ZFAT: variants seen among roughly 807,000 people sequenced by gnomAD.
ZFAT encodes zinc finger and AT-hook domain containing, also known as zinc finger protein ZFAT.
Under a neutral mutation model 117.7 loss-of-function variants are expected in ZFAT, and 64 were observed. The observed-to-expected ratio is 0.54, with a 90% confidence interval of 0.44 to 0.67. ZFAT has a LOEUF of 0.67. Among genes scored for constraint, ZFAT ranks in the 30% least tolerant of loss-of-function variants. The pLI, the probability that ZFAT is intolerant of heterozygous loss-of-function variation, is 0.00. For synonymous variants in ZFAT, 679 were observed against 615.0 expected (o/e 1.10, Z -1.54); for missense variants, 1,433 against 1,584.5 (o/e 0.90, Z 1.62).
chr8:134,727,631 T>C, the ZFAT span, among the ~76,000 whole-genome samples: 13 of 152,174 alleles, frequency 8.5e-5, no homozygotes, highest in African/African-American at 3.1e-4. Flanking sequence ...GAATAGGGCT[T>C]TTTTTTGAGA....
chr8:134,610,545 T>C lies in ZFAT; in HGVS notation c.559A>G (p.Lys187Glu), dbSNP rs923797742. Residue 187 changes from lysine to glutamate, a missense_variant, in exon 4 of 16, where the codon AAG becomes GAG. By Grantham distance (56) the Lys-to-Glu change is moderately conservative. Coordinates refer to ENST00000377838, the MANE Select transcript of ZFAT (RefSeq NM_020863.4). The stretch of plus-strand genomic sequence containing the variant: ...GCCCCAGAAAGCTGTCTGGCCTCCT[T>C]TCCTGAGATCTTCTGGACTTTCTCT... Reference protein sequence around the residue: ...KTEKVQKISGKEARQLSGAKK... With the variant: ...KTEKVQKISGEEARQLSGAKK... 4.3e-6 allele frequency: 7 copies of C among 1,614,102 alleles called. No homozygotes were observed. The highest frequency in any genetic ancestry group is 5.9e-6 in the Non-Finnish European group (7 of 1,180,036).
Position 134,601,541 on chromosome 8 carries a change from T to C in ZFAT, c.2178A>G (p.Gln726=). The C allele has an allele frequency of 9.3e-6, 15 of 1,614,190 alleles. No homozygotes were observed. Among genetic ancestry groups the C allele is most frequent in the Non-Finnish European group, 1.1e-5 (13 of 1,180,028 alleles). Residue 726 remains glutamine, a synonymous_variant, in exon 6 of 16, where the codon CAA becomes CAG. Coordinates refer to ENST00000377838, the MANE Select transcript of ZFAT (RefSeq NM_020863.4). ...TCCGCTCACACAAGCTGGTGTTCATTTGCTTCTTCTGTAAACTGTTCAGGA... is the reference window on the plus strand; with the variant it reads ...TCCGCTCACACAAGCTGGTGTTCATCTGCTTCTTCTGTAAACTGTTCAGGA... The part of the protein sequence containing the change: ...MKVLNSLQKK[Q]MNTSLCERIR...
At chr8:134,588,497 T>A in intron 8 of ZFAT, 102 bp from the exon 9 acceptor site, 1 of 1,292,372 alleles carries the variant, frequency 7.7e-7, no homozygotes, top group Non-Finnish European at 1.0e-6. Flanking sequence ...GGAATCAAGG[T>A]GTGCCTCATG....
chr8:134,568,584 A>G (rs369582236), intron 10 of ZFAT, among the ~76,000 whole-genome samples: 1 of 152,260 alleles, frequency 6.6e-6, no homozygotes, highest in Non-Finnish European at 1.5e-5. Flanking sequence ...GAGCTAAAAA[A>G]GAGTCCTAAA....
the ZFAT span, among the ~76,000 whole-genome samples, chr8:134,754,356 A>G: frequency 0.019 from 2,940 of 152,326 alleles, 78 homozygotes; most frequent in African/African-American, 0.067. Context: ...TCATCTAGTA[A>G]TAAGTTTCCT....
the ZFAT span, among the ~76,000 whole-genome samples, chr8:134,821,740 C>T: frequency 6.6e-6 from 1 of 151,968 alleles, no homozygotes; most frequent in East Asian, 1.9e-4. Flanking sequence ...TATGAGAAAC[C>T]TAAAACAAGG....
At position 134,693,085 on chromosome 8, in the gene ZFAT, C is replaced by T. The variant is rs577132422; in HGVS notation, c.19+19760G>A. Among the ~76,000 whole-genome samples the T allele has an allele frequency of 6.6e-5, 10 of 152,324 alleles. 1 individual carries two copies. The Middle Eastern group carries it at 0.01, about 155-fold the overall frequency. On this transcript the variant is annotated intron_variant, in intron 1 of 15. Coordinates refer to ENST00000377838, the MANE Select transcript of ZFAT (RefSeq NM_020863.4). ...CATGTATGTCTCGTATATGTACATA[C>T]ATACTTCTGTTTCCTAGCTGTGTTT...
At chr8:134,665,226 G>A (rs917210610) in intron 1 of ZFAT, among the ~76,000 whole-genome samples, 1 of 152,228 alleles carries the variant, frequency 6.6e-6, no homozygotes, top group Non-Finnish European at 1.5e-5. Context: ...AGGGTTCCAG[G>A]ATGCAGCAGA....
intron 3 of ZFAT, among the ~76,000 whole-genome samples, chr8:134,627,476 C>T (rs946501318): frequency 2.6e-5 from 4 of 151,970 alleles, no homozygotes; most frequent in Admixed American, 1.3e-4. Flanking sequence ...TAGCTGAAGC[C>T]GAAATGTGAA....
the ZFAT span, chr8:134,766,889 G>A: frequency 6.6e-6 from 1 of 152,156 alleles, no homozygotes; most frequent in Non-Finnish European, 1.5e-5. Context: ...CCTTCACACA[G>A]GAATTTACAT....
At position 134,637,584 on chromosome 8, in the gene ZFAT, T is replaced by TC; in HGVS notation, c.324dup (p.Asn109GlufsTer11). 1 of 1,614,202 alleles carries TC rather than the reference T, an allele frequency of 6.2e-7. No individual in the cohort carries two copies. Among genetic ancestry groups the TC allele is most frequent in the Non-Finnish European group, 8.5e-7 (1 of 1,180,022 alleles). Reference sequence around the variant, plus strand: ...TCCAAGCTGCTTGGAGGCAGGCTGTTCCCTTCCTCCGGAGCCAGCGGGCTG... The same window carrying TC: ...TCCAAGCTGCTTGGAGGCAGGCTGTTCCCCTTCCTCCGGAGCCAGCGGGCTG... On this transcript the variant is annotated frameshift_variant, in exon 3 of 16. Coordinates refer to ENST00000377838, the MANE Select transcript of ZFAT (RefSeq NM_020863.4). LOFTEE classifies it high-confidence loss of function.
chr8:134,582,827 A>G (rs1057143019), intron 10 of ZFAT, among the ~76,000 whole-genome samples: 1 of 152,232 alleles, frequency 6.6e-6, no homozygotes, highest in Non-Finnish European at 1.5e-5. Flanking sequence ...CTTAAGAGCT[A>G]TATCATCCAC....
the ZFAT span, among the ~76,000 whole-genome samples, chr8:134,814,643 C>T: frequency 6.6e-6 from 1 of 152,180 alleles, no homozygotes; most frequent in Non-Finnish European, 1.5e-5. Context: ...TGTAAACAGA[C>T]TCTAAACAGG....
chr8:134,607,876 T>C (rs2130956936), intron 5 of ZFAT, among the ~76,000 whole-genome samples: 2 of 152,354 alleles, frequency 1.3e-5, no homozygotes, highest in East Asian at 1.9e-4. Flanking sequence ...CTATGGGTGG[T>C]CAACTGATCC....
intron 1 of ZFAT, among the ~76,000 whole-genome samples, chr8:134,702,300 T>C (rs1396034204): frequency 6.6e-6 from 1 of 152,252 alleles, no homozygotes; most frequent in Non-Finnish European, 1.5e-5. Flanking sequence ...TGTGCATACC[T>C]GTCTTCAGAT....
chr8:134,644,397 T>G (rs1366059298), intron 2 of ZFAT, among the ~76,000 whole-genome samples: 1 of 152,144 alleles, frequency 6.6e-6, no homozygotes, highest in Admixed American at 6.6e-5. Context: ...TGCCCCAGCC[T>G]CCATCAGGAT....
chr8:134,521,202 T>C (rs1383420804), intron 12 of ZFAT, among the ~76,000 whole-genome samples: 1 of 152,224 alleles, frequency 6.6e-6, no homozygotes, highest in East Asian at 1.9e-4. Context: ...TAAAACTTCA[T>C]GTACTTTTTT....
intron 1 of ZFAT, among the ~76,000 whole-genome samples, chr8:134,676,905 A>G (rs1314762574): frequency 6.6e-6 from 1 of 152,228 alleles, no homozygotes; most frequent in East Asian, 1.9e-4. Context: ...CAATGAGAAC[A>G]AAGACACAAC....
rs566891710 is a variant in ZFAT at position 134,585,681 on chromosome 8, G to A, written c.2714-1676C>T. Among the ~76,000 whole-genome samples, 3 of 152,298 alleles carry A rather than the reference G, an allele frequency of 2.0e-5. No homozygotes were observed. In the South Asian group the frequency reaches 6.2e-4, roughly 32 times the overall value. ...TCCGTGGACTCTGTGACATACGGTC[G>A]TGGAAAATGAGATGGTGCAGGTTAA... On this transcript the variant is annotated intron_variant, in intron 9 of 15. Transcript: ENST00000377838.
Sources: allele counts gnomAD v4.1 joint callset (sites outside exome capture counted in the v4.1 genomes callset), GRCh38; gene constraint gnomAD v4.1.1; transcripts MANE v1.5; gene names NCBI Gene and HGNC (gene_info 2026-07-23, HGNC 2026-07-21).